The following NRG1 variants were observed in gnomAD, a reference collection of about 807,000 sequenced individuals.
NRG1 encodes pro-neuregulin-1, membrane-bound isoform.
Under a neutral mutation model 63.8 loss-of-function variants are expected in NRG1, and 18 were observed. The ratio of observed to expected loss-of-function variants is 0.28; its 90% CI spans 0.19 to 0.42. The LOEUF (loss-of-function observed/expected upper bound fraction) is 0.42. NRG1 is among the 10% of genes least tolerant of loss of function. NRG1 has a pLI of 1.00. For missense variants in NRG1, 762 were observed against 814.7 expected (o/e 0.94, Z 0.79); for synonymous variants, 302 against 301.3 (o/e 1.00, Z -0.02).
intron 1 of NRG1, among the ~76,000 whole-genome samples, chr8:32,129,064 C>T (rs1404978720): frequency 1.3e-5 from 2 of 151,926 alleles, no homozygotes; most frequent in African/African-American, 4.8e-5. Context: ...TCGGTTCTGC[C>T]TCTGGACCAT....
chr8:32,216,096 A>C (rs965507519), intron 1 of NRG1, among the ~76,000 whole-genome samples: 1 of 151,584 alleles, frequency 6.6e-6, no homozygotes, highest in African/African-American at 2.4e-5. Context: ...ACATAAATCT[A>C]TACATTATCT....
At chr8:32,559,332 C>G (rs1835900583) in intron 1 of NRG1, among the ~76,000 whole-genome samples, 1 of 146,594 alleles carries the variant, frequency 6.8e-6, no homozygotes, top group Non-Finnish European at 1.5e-5. Context: ...TGAAAACTCC[C>G]TTGACAAATT....
At chr8:32,111,465 A>G (rs1832018984) in intron 1 of NRG1, among the ~76,000 whole-genome samples, 2 of 150,954 alleles carry the variant, frequency 1.3e-5, no homozygotes, top group South Asian at 4.2e-4. Flanking sequence ...TGTATGGATG[A>G]CTCTCTGGTC....
At chr8:31,925,773 G>T (rs146256772) in intron 1 of NRG1, among the ~76,000 whole-genome samples, 1,607 of 152,108 alleles carry the variant, frequency 0.011, 26 homozygotes, top group African/African-American at 0.037. Flanking sequence ...TTCAATTATA[G>T]AACTTTCTGT....
chr8:32,190,369 T>C (rs552657993), intron 1 of NRG1, among the ~76,000 whole-genome samples: 26 of 152,214 alleles, frequency 1.7e-4, no homozygotes, highest in African/African-American at 5.3e-4. Flanking sequence ...TCAGCAACAC[T>C]TCTGGTTCAC....
At chr8:31,766,148 C>T (rs899127583) in intron 1 of NRG1, among the ~76,000 whole-genome samples, 2 of 151,890 alleles carry the variant, frequency 1.3e-5, no homozygotes, top group Non-Finnish European at 2.9e-5. Context: ...ACCAAGAAAA[C>T]ACACACACAC....
chr8:32,039,378 A>G (rs1019618393), intron 1 of NRG1, among the ~76,000 whole-genome samples: 3 of 152,218 alleles, frequency 2.0e-5, no homozygotes, highest in Non-Finnish European at 4.4e-5. Flanking sequence ...CATAGGGCCA[A>G]TAGAGGAGGA....
intron 1 of NRG1, among the ~76,000 whole-genome samples, chr8:32,396,170 T>C (rs1234859282): frequency 1.3e-5 from 2 of 152,316 alleles, no homozygotes; most frequent in South Asian, 4.1e-4. Context: ...AGTCCCCCAA[T>C]GTTTTTCTTT....
chr8:31,799,120 T>C (rs576750529), intron 1 of NRG1, among the ~76,000 whole-genome samples: 1 of 152,258 alleles, frequency 6.6e-6, no homozygotes, highest in South Asian at 2.1e-4. Context: ...TGTATATGTG[T>C]GGGTGTACTT....
chr8:31,774,219 G>A (rs1818899560), intron 1 of NRG1, among the ~76,000 whole-genome samples: 1 of 151,834 alleles, frequency 6.6e-6, no homozygotes. Context: ...CCTCTACTGG[G>A]CACTTCATAT....
At chr8:32,728,803 C>T (rs1027904760) in intron 6 of NRG1, among the ~76,000 whole-genome samples, 1 of 152,252 alleles carries the variant, frequency 6.6e-6, no homozygotes, top group East Asian at 1.9e-4. Flanking sequence ...CAGTGGCTCA[C>T]GCCTGTAATC....
chr8:32,120,387 A>G (rs1191637309), intron 1 of NRG1, among the ~76,000 whole-genome samples: 1 of 152,044 alleles, frequency 6.6e-6, no homozygotes, highest in Non-Finnish European at 1.5e-5. Context: ...GTGAGACTCA[A>G]ATTCAGCATC....
chr8:32,630,016 C>T (rs1849996169), intron 5 of NRG1, among the ~76,000 whole-genome samples: 1 of 152,148 alleles, frequency 6.6e-6, no homozygotes, highest in South Asian at 2.1e-4. Context: ...GATGTAGAGA[C>T]TGATACTCAA....
intron 1 of NRG1, among the ~76,000 whole-genome samples, chr8:32,076,619 A>C (rs1826600517): frequency 6.6e-6 from 1 of 152,072 alleles, no homozygotes; most frequent in Non-Finnish European, 1.5e-5. Flanking sequence ...ACTAATGTAT[A>C]CTAGGCTTAA....
At chr8:31,857,491 C>G (rs1828028801) in intron 1 of NRG1, among the ~76,000 whole-genome samples, 1 of 152,234 alleles carries the variant, frequency 6.6e-6, no homozygotes, top group African/African-American at 2.4e-5. Context: ...TATGCGCACC[C>G]ACTGACCTGC....
chr8:31,701,695 T>C (rs556381235), intron 1 of NRG1, among the ~76,000 whole-genome samples: 63 of 152,316 alleles, frequency 4.1e-4, no homozygotes, highest in African/African-American at 1.4e-3. Flanking sequence ...GCACTTAGTT[T>C]TGGTTTCTTT....
chr8:31,956,318 G>C (rs991493578), intron 1 of NRG1, among the ~76,000 whole-genome samples: 4 of 152,128 alleles, frequency 2.6e-5, no homozygotes, highest in Non-Finnish European at 5.9e-5. Context: ...GAAAAGGAGG[G>C]AGAAGCTAAC....
intron 1 of NRG1, among the ~76,000 whole-genome samples, chr8:31,830,360 TCC>T (rs1586690415): frequency 2.2e-5 from 1 of 46,020 alleles, no homozygotes; most frequent in Non-Finnish European, 4.0e-5. Context: ...CTTCCTTCCT[TCC>T]CTCCTTCCCT....
At chr8:31,860,940 A>G (rs1192030920) in intron 1 of NRG1, among the ~76,000 whole-genome samples, 1 of 152,168 alleles carries the variant, frequency 6.6e-6, no homozygotes, top group Admixed American at 6.5e-5. Flanking sequence ...CCTGTTTTTC[A>G]TTTAGAAAGC....
Sources: allele counts gnomAD v4.1 joint callset (sites outside exome capture counted in the v4.1 genomes callset), GRCh38; gene constraint gnomAD v4.1.1; transcripts MANE v1.5; gene names NCBI Gene and HGNC (gene_info 2026-07-23, HGNC 2026-07-21).